Variants in AZIN2 observed in about 807,000 individuals in gnomAD.
AZIN2 encodes antizyme inhibitor 2.
In AZIN2, 28 loss-of-function variants were observed where a neutral mutation model predicts 47.8. The ratio of observed to expected loss-of-function variants is 0.59; its 90% confidence interval spans 0.43 to 0.80. The LOEUF (loss-of-function observed/expected upper bound fraction) is 0.80. AZIN2 is among the 30% of genes least tolerant of loss of function. AZIN2 has a pLI of 0.00. For synonymous variants in AZIN2, 221 were observed against 239.4 expected, an observed-to-expected ratio of 0.92 and a Z score of 0.71; for missense variants, 535 against 582.5, an observed-to-expected ratio of 0.92 and a Z score of 0.84.
chr1:33,113,410 A>G lies in AZIN2; in HGVS notation c.1030-4492A>G, dbSNP rs1054596018. Among the ~76,000 whole-genome samples, 2 of 152,212 alleles carry G rather than the reference A, an allele frequency of 1.3e-5. No homozygotes were observed. The highest frequency in any genetic ancestry group is 2.4e-5 in the African/African-American group (1 of 41,444). On this transcript the variant is annotated intron_variant, in intron 10 of 11. Transcript: ENST00000294517. The surrounding 1 kb of genome is among the most constrained non-coding windows in gnomAD (Gnocchi z 4.1). ...TTTTTGAGCTGAGATGCTGGCTTGC[A>G]TTCTAAAATTCATTGATTTCCTCTA... is the stretch of plus-strand genomic sequence containing the variant.
At chr1:33,096,997 CT>C in intron 9 of AZIN2, 128 bp downstream of exon 9, 1 of 1,159,510 alleles carries the variant, frequency 8.6e-7, no homozygotes. Context: ...TGGGTTCTTG[CT>C]TTAGGGAAAC....
the AZIN2 span, among the ~76,000 whole-genome samples, chr1:33,136,739 C>T: frequency 6.6e-6 from 1 of 151,766 alleles, no homozygotes; most frequent in South Asian, 2.1e-4. Context: ...GTGGCTCACG[C>T]CCGTAATCCC....
At chr1:33,128,541 A>G in the AZIN2 span, among the ~76,000 whole-genome samples, 2 of 152,216 alleles carry the variant, frequency 1.3e-5, no homozygotes, top group Admixed American at 1.3e-4. Flanking sequence ...GCAGATTGGG[A>G]AAGTCTCTGC....
At chr1:33,149,942 C>T in the AZIN2 span, among the ~76,000 whole-genome samples, 2 of 152,206 alleles carry the variant, frequency 1.3e-5, no homozygotes, top group African/African-American at 4.8e-5. Context: ...GAAAGACTCA[C>T]CAAATTAAAC....
the AZIN2 span, among the ~76,000 whole-genome samples, chr1:33,136,118 CCTTCCTT>C: frequency 3.0e-5 from 1 of 33,070 alleles, no homozygotes; most frequent in South Asian, 1.8e-3. Flanking sequence ...GCCAGCCCTT[CCTTCCTT>C]CCTTCCTTCC....
chr1:33,136,260 T>A, the AZIN2 span, among the ~76,000 whole-genome samples: 1 of 151,262 alleles, frequency 6.6e-6, no homozygotes. Context: ...TCTTTCTTTT[T>A]CTTTCTCTCT....
chr1:33,156,539 C>A, the AZIN2 span, among the ~76,000 whole-genome samples: 1 of 152,328 alleles, frequency 6.6e-6, no homozygotes, highest in South Asian at 2.1e-4. Flanking sequence ...TGCTCCTTCT[C>A]GGTCTCCTTG....
chr1:33,117,192 T>C (rs574043542), intron 10 of AZIN2, among the ~76,000 whole-genome samples: 2 of 152,362 alleles, frequency 1.3e-5, no homozygotes, highest in South Asian at 4.1e-4. Context: ...TGTGGGGTCC[T>C]CTGTGACCTC....
chr1:33,087,908 C>T (rs961646536), intron 5 of AZIN2, among the ~76,000 whole-genome samples: 1 of 152,148 alleles, frequency 6.6e-6, no homozygotes, highest in South Asian at 2.1e-4. Context: ...CGCTGTGAGA[C>T]GAGATTTGCA....
At chr1:33,153,249 A>G in the AZIN2 span, among the ~76,000 whole-genome samples, 2 of 152,182 alleles carry the variant, frequency 1.3e-5, no homozygotes, top group Non-Finnish European at 2.9e-5. Context: ...CTGACTTCAC[A>G]GGCCCCACAG....
In AZIN2 at chr1:33,122,012, C is replaced by T. The variant is rs976756867; in HGVS notation, c.*1830C>T. On this transcript the variant is annotated 3_prime_UTR_variant, in exon 12 of 12. Coordinates refer to ENST00000294517, the MANE Select transcript of AZIN2 (RefSeq NM_052998.4). ...GCTGAAAGCTTGGGACATCAAAAGA[C>T]TCAGGGCAATCAGAAAGGGTTACTC... 6.6e-6 allele frequency among the ~76,000 whole-genome samples: 1 copy of T among 152,126 alleles called. No individual in the cohort carries two copies. Among genetic ancestry groups the T allele is most frequent in the African/African-American group, 2.4e-5 (1 of 41,424 alleles).
chr1:33,105,333 A>G (rs1430566987), intron 10 of AZIN2, among the ~76,000 whole-genome samples: 9 of 152,186 alleles, frequency 5.9e-5, no homozygotes, highest in Non-Finnish European at 4.4e-5. Context: ...TTAAATATAG[A>G]AACATTTTAA....
the AZIN2 span, among the ~76,000 whole-genome samples, chr1:33,144,112 A>G: frequency 6.7e-6 from 1 of 148,384 alleles, no homozygotes; most frequent in Non-Finnish European, 1.5e-5. Flanking sequence ...ACGTTGATAT[A>G]TGATTCCGCT....
the AZIN2 span, chr1:33,147,843 G>T: frequency 8.7e-7 from 1 of 1,153,410 alleles, no homozygotes; most frequent in Non-Finnish European, 1.2e-6. This position sits in a 1 kb window ranked among gnomAD's most constrained non-coding sequence, Gnocchi z 8.1. Flanking sequence ...CTGACCTGCT[G>T]TGTGACCTTG....
At chr1:33,136,117 T>G in the AZIN2 span, among the ~76,000 whole-genome samples, 4 of 31,176 alleles carry the variant, frequency 1.3e-4, no homozygotes, top group South Asian at 2.1e-3. Context: ...GGCCAGCCCT[T>G]CCTTCCTTCC....
chr1:33,119,111 G>A (rs1644698158), intron 11 of AZIN2: 1 of 152,480 alleles, frequency 6.6e-6, no homozygotes, highest in African/African-American at 2.4e-5. Context: ...GGCTAAGGAG[G>A]AATTAGATGA....
the AZIN2 span, among the ~76,000 whole-genome samples, chr1:33,139,527 T>G: frequency 7.0e-3 from 1,068 of 151,886 alleles, 7 homozygotes; most frequent in African/African-American, 0.025. Context: ...GAAGGATGAG[T>G]AAGATTTCAA....
At chr1:33,155,817 G>C in the AZIN2 span, among the ~76,000 whole-genome samples, 5 of 152,172 alleles carry the variant, frequency 3.3e-5, no homozygotes, top group South Asian at 2.1e-4. Context: ...CTGCCCTTGG[G>C]GGGGATCTGT....
intron 10 of AZIN2, among the ~76,000 whole-genome samples, chr1:33,107,428 A>G (rs893674311): frequency 1.3e-5 from 2 of 152,090 alleles, no homozygotes; most frequent in African/African-American, 4.8e-5. Flanking sequence ...AAAAATGCAG[A>G]AATTAGCTGG....
Sources: allele counts gnomAD v4.1 joint callset (sites outside exome capture counted in the v4.1 genomes callset), GRCh38; gene constraint gnomAD v4.1.1; non-coding constraint Gnocchi (gnomAD v3.1); transcripts MANE v1.5; gene names NCBI Gene and HGNC (gene_info 2026-07-23, HGNC 2026-07-21).